The following AOPEP variants were observed in gnomAD, a reference collection of about 807,000 sequenced individuals.
The protein encoded by AOPEP is aminopeptidase O.
In AOPEP, 77 loss-of-function variants were observed where a neutral mutation model predicts 98.1. That is an observed-to-expected ratio of 0.78 (90% CI 0.65 to 0.95). The LOEUF is 0.95. Among genes scored for constraint, AOPEP ranks in the 40% least tolerant of loss-of-function variants. AOPEP has a pLI of 0.00. For missense variants in AOPEP, 1,024 were observed against 1,024.7 expected, an observed-to-expected ratio of 1.00 and a Z score of 0.01; for synonymous variants, 346 against 365.3, an observed-to-expected ratio of 0.95 and a Z score of 0.60.
chr9:94,983,758 C>G (rs143127914), intron 11 of AOPEP, among the ~76,000 whole-genome samples: 1 of 152,136 alleles, frequency 6.6e-6, no homozygotes, highest in African/African-American at 2.4e-5. Context: ...ATGCCCTTTG[C>G]TCCTTGGCAT....
chr9:94,922,900 G>T (rs1041392003), intron 5 of AOPEP, among the ~76,000 whole-genome samples: 2 of 152,226 alleles, frequency 1.3e-5, no homozygotes, highest in Admixed American at 6.5e-5. Flanking sequence ...GGAACTCGAG[G>T]TGGGGTTTTC....
At chr9:95,095,607 C>T in the AOPEP span, among the ~76,000 whole-genome samples, 1 of 152,188 alleles carries the variant, frequency 6.6e-6, no homozygotes, top group Non-Finnish European at 1.5e-5. Flanking sequence ...ACCTTTTCTC[C>T]TGTGGTTTCT....
Position 94,760,196 on chromosome 9 carries a change from G to A in AOPEP, c.413G>A (p.Gly138Glu). The change falls in exon 2 of 17, where the codon GGG becomes GAG. Residue 138 changes from glycine to glutamate, a missense_variant. Transcript: ENST00000375315. Reference sequence around the variant, plus strand: ...TACTGCTGTGACACAGGGAATCATGGGAGTGAGGATTTTTTGCTAGTGTTG... The same window carrying A: ...TACTGCTGTGACACAGGGAATCATGAGAGTGAGGATTTTTTGCTAGTGTTG... Reference protein sequence around the residue: ...SKYCCDTGNHGSEDFLLVLDC... With the variant: ...SKYCCDTGNHESEDFLLVLDC... 1 of 1,614,188 alleles carries A rather than the reference G, an allele frequency of 6.2e-7. No homozygotes were observed. The highest frequency in any genetic ancestry group is 1.3e-5 in the African/African-American group (1 of 75,032).
intron 1 of AOPEP, among the ~76,000 whole-genome samples, chr9:94,743,364 T>C: frequency 6.6e-6 from 1 of 152,116 alleles, no homozygotes; most frequent in Non-Finnish European, 1.5e-5. Context: ...AAATAAGGCC[T>C]GAGGTTAAAC....
chr9:94,745,674 C>G (rs1303045637), intron 1 of AOPEP, among the ~76,000 whole-genome samples: 3 of 152,180 alleles, frequency 2.0e-5, no homozygotes, highest in Non-Finnish European at 4.4e-5. Context: ...CCGTTTCCAT[C>G]CATATTGTTG....
chr9:95,046,022 C>G (rs1053539448), intron 13 of AOPEP, among the ~76,000 whole-genome samples: 1 of 152,120 alleles, frequency 6.6e-6, no homozygotes, highest in Non-Finnish European at 1.5e-5. Context: ...CTGCGCTGGG[C>G]CTAGAAAGGA....
At chr9:94,825,237 C>T (rs10993360) in intron 5 of AOPEP, among the ~76,000 whole-genome samples, 8,523 of 152,254 alleles carry the variant, frequency 0.056, 359 homozygotes, top group South Asian at 0.11. Context: ...TGTGCTTCCC[C>T]GTTTTTGTTT....
intron 13 of AOPEP, among the ~76,000 whole-genome samples, chr9:95,031,291 G>A (rs2133368275): frequency 6.6e-6 from 1 of 152,250 alleles, no homozygotes; most frequent in Admixed American, 6.5e-5. Context: ...GCGTCGGTCT[G>A]TCTTTGTTCT....
At chr9:94,864,520 C>T (rs150954044) in intron 5 of AOPEP, among the ~76,000 whole-genome samples, 5 of 152,152 alleles carry the variant, frequency 3.3e-5, no homozygotes, top group Admixed American at 1.3e-4. Context: ...GAAAGTTTTA[C>T]GCTGACATTT....
the AOPEP span, among the ~76,000 whole-genome samples, chr9:95,131,715 G>A: frequency 1.3e-5 from 2 of 152,140 alleles, no homozygotes; most frequent in East Asian, 3.9e-4. Context: ...GAAAAAGCAG[G>A]AAAAGAAAAC....
At chr9:94,922,013 C>T (rs1036371556) in intron 5 of AOPEP, among the ~76,000 whole-genome samples, 2 of 151,934 alleles carry the variant, frequency 1.3e-5, no homozygotes, top group African/African-American at 2.4e-5. Context: ...GGACTGAGGC[C>T]GGGGTCGTGT....
At chr9:94,738,934 A>C (rs1832428520) in intron 1 of AOPEP, among the ~76,000 whole-genome samples, 1 of 152,244 alleles carries the variant, frequency 6.6e-6, no homozygotes, top group Admixed American at 6.5e-5. Flanking sequence ...CCCCATGAAT[A>C]ATAAAACTAC....
At chr9:94,896,120 A>T (rs1588754118) in intron 5 of AOPEP, among the ~76,000 whole-genome samples, 1 of 152,226 alleles carries the variant, frequency 6.6e-6, no homozygotes, top group African/African-American at 2.4e-5. Context: ...GATGCATAGG[A>T]AAACCAAGAT....
chr9:94,728,239 G>GCACACACACACACACACA (rs78505500), intron 1 of AOPEP, among the ~76,000 whole-genome samples: 48 of 146,598 alleles, frequency 3.3e-4, no homozygotes, highest in Middle Eastern at 3.5e-3. Context: ...GTGCGCGCAT[G>GCACACACACACACACACA]CACACACACA....
At chr9:95,127,462 G>A in the AOPEP span, 1 of 152,272 alleles carries the variant, frequency 6.6e-6, no homozygotes, top group African/African-American at 2.4e-5. Flanking sequence ...CAGATCATCA[G>A]AGGACAACCC....
At chr9:95,103,564 CA>C in the AOPEP span, among the ~76,000 whole-genome samples, 1 of 152,190 alleles carries the variant, frequency 6.6e-6, no homozygotes. Flanking sequence ...CCTGCAGGCA[CA>C]AGTGAGGGAG....
Position 95,006,901 on chromosome 9 carries a change from A to AT in AOPEP, c.2115+1303dup, listed in dbSNP as rs559290637. ...TTTAAAAAATGTGTCGTTGCTGTTA[A>AT]TTTTTTTTTTTTTTTTTTGAGACGG... On this transcript the variant is annotated intron_variant, in intron 13 of 16. Coordinates refer to ENST00000375315, the MANE Select transcript of AOPEP (RefSeq NM_001193329.3). Among the ~76,000 whole-genome samples, 899 of 128,780 alleles carry AT rather than the reference A, an allele frequency of 7.0e-3. 13 individuals are homozygous for AT. Among genetic ancestry groups the AT allele is most frequent in the East Asian group, 0.043 (192 of 4,426 alleles). 84.5% of individuals were successfully genotyped at this position (128,780 alleles called of 152,430 possible).
intron 3 of AOPEP, among the ~76,000 whole-genome samples, chr9:94,788,403 G>T (rs2133346537): frequency 6.6e-6 from 1 of 151,998 alleles, no homozygotes; most frequent in African/African-American, 2.4e-5. Context: ...GTGTTATTAA[G>T]AGCTAAGCCT....
chr9:94,880,794 A>T (rs1006928448), intron 5 of AOPEP, among the ~76,000 whole-genome samples: 14 of 152,234 alleles, frequency 9.2e-5, no homozygotes, highest in Admixed American at 2.6e-4. Flanking sequence ...GAGCGGACTT[A>T]AATTGAGGAA....
Sources: gnomAD v4.1 joint callset for allele counts (sites outside exome capture counted in the v4.1 genomes callset) on GRCh38, gnomAD v4.1.1 for gene constraint, MANE v1.5 for transcripts, NCBI Gene and HGNC (gene_info 2026-07-23, HGNC 2026-07-21) for gene names.